SYN2: variants seen among roughly 807,000 people sequenced by gnomAD.
SYN2 encodes the protein synapsin II.
In SYN2, 19 loss-of-function variants were observed where a neutral mutation model predicts 50.9. The ratio of observed to expected loss-of-function variants is 0.37; its 90% CI spans 0.26 to 0.55. The LOEUF is 0.55. Among genes scored for constraint, SYN2 ranks in the 20% least tolerant of loss-of-function variants. The probability of loss-of-function intolerance (pLI) is 0.81; values close to 1 mark genes in which losing one functional copy is unlikely to be tolerated. For synonymous variants in SYN2, 255 were observed against 224.9 expected (o/e 1.13, Z -1.20); for missense variants, 587 against 576.4 (o/e 1.02, Z -0.19).
intron 1 of SYN2, among the ~76,000 whole-genome samples, chr3:12,047,205 C>T (rs138509030): frequency 1.3e-5 from 2 of 152,178 alleles, no homozygotes; most frequent in East Asian, 3.9e-4. Flanking sequence ...TGAGATCTGG[C>T]TCACAGGTGT....
rs182022670 is a variant in SYN2, at chr3:12,097,728, A to T, written c.378-42923A>T. The stretch of plus-strand genomic sequence containing the variant: ...AGGGACATGGATGAAGCTGGAAACC[A>T]TCATTCTCAGCAAACTCTCGCAAGG... On this transcript the variant is annotated intron_variant, in intron 1 of 12. Transcript: ENST00000621198. Among the ~76,000 whole-genome samples the T allele has an allele frequency of 3.7e-3, 561 of 152,326 alleles. 2 individuals carry two copies. The highest frequency in any genetic ancestry group is 0.013 in the African/African-American group (532 of 41,562).
At chr3:12,080,671 T>C (rs1158827632) in intron 1 of SYN2, among the ~76,000 whole-genome samples, 1 of 152,188 alleles carries the variant, frequency 6.6e-6, no homozygotes, top group African/African-American at 2.4e-5. Context: ...TGAGAGACTT[T>C]TTGTTATGAT....
chr3:12,176,803 C>T (rs573631218), intron 10 of SYN2, among the ~76,000 whole-genome samples: 48 of 152,282 alleles, frequency 3.2e-4, no homozygotes, highest in Admixed American at 2.7e-3. Context: ...TCTCTGATGC[C>T]GCCATGGAGT....
intron 1 of SYN2, among the ~76,000 whole-genome samples, chr3:12,059,333 A>AT (rs1695064878): frequency 6.6e-6 from 1 of 152,198 alleles, no homozygotes; most frequent in African/African-American, 2.4e-5. Context: ...AGCAGACGGG[A>AT]TAAGTGGGTG....
Position 12,004,886 on chromosome 3 carries a change from A to G in SYN2, c.335A>G (p.Lys112Arg), listed in dbSNP as rs530120444. The change falls in exon 1 of 13, where the codon AAG becomes AGG. Residue 112 changes from lysine (K) to arginine (R), a missense_variant. Coordinates refer to ENST00000621198, the MANE Select transcript of SYN2 (RefSeq NM_133625.6). ...GCTCCCGCGCCCGCAGCCGCCAGGA[A>G]GGCCAAGGTGCTGCTGGTGGTCGAC... ...APAPAPAAAR[K>R]AKVLLVVDEP... 7 of 579,132 alleles carry G rather than the reference A, an allele frequency of 1.2e-5. No homozygotes were observed. The Admixed American group carries it at 1.4e-4, about 12-fold the overall frequency. 35.9% of individuals were successfully genotyped at this position (579,132 alleles called of 1,614,324 possible). A position where few individuals can be genotyped will look rare whatever the true frequency, so the allele number is the denominator to read the frequency against.
At chr3:12,025,592 G>A (rs1463946255) in intron 1 of SYN2, among the ~76,000 whole-genome samples, 2 of 152,182 alleles carry the variant, frequency 1.3e-5, no homozygotes, top group Non-Finnish European at 2.9e-5. Flanking sequence ...ATCTGCTGGA[G>A]TCTAAACCAA....
At chr3:12,132,001 T>G (rs1231217439) in intron 1 of SYN2, among the ~76,000 whole-genome samples, 1 of 151,536 alleles carries the variant, frequency 6.6e-6, no homozygotes, top group Non-Finnish European at 1.5e-5. Context: ...TTTCTTTTTC[T>G]TTTTTTTCCT....
intron 1 of SYN2, among the ~76,000 whole-genome samples, chr3:12,015,467 A>G (rs1694008149): frequency 6.6e-6 from 1 of 152,204 alleles, no homozygotes; most frequent in Non-Finnish European, 1.5e-5. Flanking sequence ...TGAAAATATC[A>G]ATGATGAGCA....
intron 5 of SYN2, chr3:12,157,552 C>T (rs1400738878): frequency 1.1e-5 from 17 of 1,479,858 alleles, no homozygotes; most frequent in Non-Finnish European, 1.6e-5. Context: ...TCTGGATGAT[C>T]CAGGGTCCAT....
chr3:12,015,843 A>G (rs1441521659), intron 1 of SYN2, among the ~76,000 whole-genome samples: 4 of 152,038 alleles, frequency 2.6e-5, no homozygotes, highest in African/African-American at 2.4e-5. Flanking sequence ...TCTTCTTTCT[A>G]TCTAGGACTG....
chr3:12,009,821 T>C (rs908974569), intron 1 of SYN2, among the ~76,000 whole-genome samples: 1 of 152,178 alleles, frequency 6.6e-6, no homozygotes, highest in African/African-American at 2.4e-5. Flanking sequence ...TTGAAGAAGG[T>C]TGGGCGCGGT....
At chr3:12,050,058 C>A (rs1169186308) in intron 1 of SYN2, among the ~76,000 whole-genome samples, 1 of 152,122 alleles carries the variant, frequency 6.6e-6, no homozygotes, top group Non-Finnish European at 1.5e-5. Context: ...TGCCACCACG[C>A]CCGGCTAATT....
rs567165556 is a variant in SYN2, at chr3:12,160,410, T to A, written c.775-1136T>A. ...CAGGCCAGATACCCCCAGTATCTGT[T>A]CAAATCTTAGTTCCCATAGGAGTCT... On this transcript the variant is annotated intron_variant, in intron 5 of 12. Transcript: ENST00000621198. Among the ~76,000 whole-genome samples, 367 of 152,324 alleles carry A rather than the reference T, an allele frequency of 2.4e-3. 1 individual carries two copies. Among genetic ancestry groups the A allele is most frequent in the African/African-American group, 8.4e-3 (348 of 41,580 alleles).
intron 1 of SYN2, among the ~76,000 whole-genome samples, chr3:12,123,212 T>A (rs450277): frequency 0.93 from 141,849 of 152,294 alleles, 66,136 homozygotes; most frequent in East Asian, 1. Flanking sequence ...AGTTTTTCCA[T>A]AATTGATAAA....
intron 1 of SYN2, among the ~76,000 whole-genome samples, chr3:12,054,946 C>A (rs1694955830): frequency 6.6e-6 from 1 of 152,062 alleles, no homozygotes; most frequent in African/African-American, 2.4e-5. Flanking sequence ...TGTTTTCTAG[C>A]ATCCTTTATT....
intron 11 of SYN2, chr3:12,185,284 G>A (rs1698315332): frequency 1.0e-6 from 1 of 985,556 alleles, no homozygotes; most frequent in African/African-American, 1.7e-5. Flanking sequence ...TTTTGTCCAA[G>A]CGATGAGCTG....
intron 1 of SYN2, among the ~76,000 whole-genome samples, chr3:12,051,092 A>C (rs986151389): frequency 1.3e-5 from 2 of 152,132 alleles, no homozygotes; most frequent in African/African-American, 4.8e-5. Context: ...TAGCAAAAGG[A>C]TTAATGTCTT....
rs564931753 is a variant in SYN2 at position 12,136,362 on chromosome 3, G to A, written c.378-4289G>A. On this transcript the variant is annotated intron_variant, in intron 1 of 12. Coordinates refer to ENST00000621198, the MANE Select transcript of SYN2 (RefSeq NM_133625.6). The stretch of plus-strand genomic sequence containing the variant: ...TAGAATAGTGCCTAGTACATCACAG[G>A]TGTTCACTATTAAGATCACCATTAG... 2.6e-5 allele frequency among the ~76,000 whole-genome samples: 4 copies of A among 152,220 alleles called. No homozygotes were observed. In the South Asian group the frequency reaches 8.3e-4, roughly 32 times the overall value.
intron 1 of SYN2, among the ~76,000 whole-genome samples, chr3:12,051,424 T>A (rs371246148): frequency 0.73 from 110,527 of 151,094 alleles, 40,665 homozygotes; most frequent in Admixed American, 0.8. Context: ...GCTGGTCTTC[T>A]AGTTTTGTCC....
Sources: gnomAD v4.1 joint callset for allele counts (sites outside exome capture counted in the v4.1 genomes callset) on GRCh38, gnomAD v4.1.1 for gene constraint, MANE v1.5 for transcripts, NCBI Gene and HGNC (gene_info 2026-07-23, HGNC 2026-07-21) for gene names.